The following DPF3 variants were observed in gnomAD, a reference collection of about 807,000 sequenced individuals.
DPF3 encodes double PHD fingers 3, also known as zinc finger protein DPF3.
A neutral mutation model predicts 56.8 loss-of-function variants in DPF3; 18 were observed. That is an observed-to-expected ratio of 0.32 (90% CI 0.22 to 0.47). The LOEUF (loss-of-function observed/expected upper bound fraction) is 0.47. Among genes scored for constraint, DPF3 ranks in the 20% least tolerant of loss-of-function variants. The pLI is 1.00. For missense variants in DPF3, 403 were observed against 488.8 expected (o/e 0.82, Z 1.65); for synonymous variants, 188 against 180.2 (o/e 1.04, Z -0.35).
At chr14:72,722,603 G>A (rs919801911) in intron 5 of DPF3, among the ~76,000 whole-genome samples, 2 of 152,150 alleles carry the variant, frequency 1.3e-5, no homozygotes, top group African/African-American at 2.4e-5. Flanking sequence ...AGAATGCCTG[G>A]GACTAAGTGC....
rs530471251 is a variant in DPF3, at chr14:72,869,996, A to G, written c.32+24061T>C. Reference sequence around the variant, plus strand: ...GACCCATGCCCATTCAAGGGATGCAAAATAGGCTGAAGTTTAGATTCTCTG... The same window carrying G: ...GACCCATGCCCATTCAAGGGATGCAGAATAGGCTGAAGTTTAGATTCTCTG... On this transcript the variant is annotated intron_variant, in intron 1 of 10. Coordinates refer to ENST00000556509, the MANE Select transcript of DPF3 (RefSeq NM_001280542.3). Among the ~76,000 whole-genome samples the G allele has an allele frequency of 6.6e-5, 10 of 152,186 alleles. No homozygotes were observed. The East Asian group carries it at 1.9e-3, about 29-fold the overall frequency.
Position 72,614,736 on chromosome 14 carries a change from T to TAAC in DPF3, c.*4560_*4561insGTT, listed in dbSNP as rs1293436583. Among the ~76,000 whole-genome samples, 1 of 117,492 alleles carries TAAC rather than the reference T, an allele frequency of 8.5e-6. No homozygotes were observed. Among genetic ancestry groups the TAAC allele is most frequent in the Non-Finnish European group, 1.7e-5 (1 of 60,164 alleles). 77.1% of individuals were successfully genotyped at this position (117,492 alleles called of 152,430 possible). ...GCAGAGGTTTGGCCTTTTTACAAAA[T>TAAC]AATAATAATAATAATCTGTTGCCCA... On this transcript the variant is annotated 3_prime_UTR_variant, in exon 11 of 11. Transcript: ENST00000556509.
At chr14:72,784,044 A>G (rs1892106142) in intron 1 of DPF3, among the ~76,000 whole-genome samples, 1 of 152,138 alleles carries the variant, frequency 6.6e-6, no homozygotes, top group Non-Finnish European at 1.5e-5. Context: ...AGTTGGTTAA[A>G]ATCAGCCTGC....
chr14:72,777,732 C>A (rs1891802093), intron 1 of DPF3, among the ~76,000 whole-genome samples: 1 of 152,102 alleles, frequency 6.6e-6, no homozygotes, highest in Non-Finnish European at 1.5e-5. Context: ...TGCCTCCCTG[C>A]TGACTCTCTC....
Position 72,683,528 on chromosome 14 carries a change from T to C in DPF3, c.743-9160A>G, listed in dbSNP as rs569578842. Among the ~76,000 whole-genome samples the C allele has an allele frequency of 2.6e-5, 4 of 152,066 alleles. No individual in the cohort carries two copies. The East Asian group carries it at 5.8e-4, about 22-fold the overall frequency. Reference sequence around the variant, plus strand: ...TTCACTTAATCTTCATCATAGCCTATGAGATAGATGCCATTAATGATCTGA... The same window carrying C: ...TTCACTTAATCTTCATCATAGCCTACGAGATAGATGCCATTAATGATCTGA... On this transcript the variant is annotated intron_variant, in intron 7 of 10. Transcript: ENST00000556509.
intron 8 of DPF3, among the ~76,000 whole-genome samples, chr14:72,663,799 C>T (rs1886329497): frequency 6.6e-6 from 1 of 152,092 alleles, no homozygotes; most frequent in African/African-American, 2.4e-5. Context: ...AGGAAAAAAG[C>T]TCAAAAGCAA....
intron 7 of DPF3, among the ~76,000 whole-genome samples, chr14:72,676,545 G>T (rs541571183): frequency 1.6e-4 from 24 of 152,294 alleles, no homozygotes; most frequent in African/African-American, 5.3e-4. Flanking sequence ...ATCTTGAATT[G>T]CAGCTCCCAT....
chr14:72,782,430 G>T (rs1243468734), intron 1 of DPF3, among the ~76,000 whole-genome samples: 1 of 152,032 alleles, frequency 6.6e-6, no homozygotes, highest in East Asian at 1.9e-4. Context: ...TTGCCATGTT[G>T]CCCAGCCTGG....
chr14:72,759,881 A>G (rs1014252096), intron 2 of DPF3, among the ~76,000 whole-genome samples: 3 of 151,736 alleles, frequency 2.0e-5, no homozygotes, highest in Middle Eastern at 3.4e-3. Context: ...ACTGAAAGGG[A>G]AAAAAAAACT....
At chr14:72,740,942 C>T (rs1890099865) in intron 3 of DPF3, among the ~76,000 whole-genome samples, 1 of 152,132 alleles carries the variant, frequency 6.6e-6, no homozygotes, top group Admixed American at 6.5e-5. Flanking sequence ...TGGCGCATGC[C>T]TGAATTCCCA....
At chr14:72,721,061 T>C (rs1238533818) in intron 5 of DPF3, among the ~76,000 whole-genome samples, 1 of 152,162 alleles carries the variant, frequency 6.6e-6, no homozygotes, top group African/African-American at 2.4e-5. Flanking sequence ...ACATTTCCAT[T>C]AGGACTAGAC....
At chr14:72,702,668 TTCCCC>T (rs1181503746) in intron 6 of DPF3, among the ~76,000 whole-genome samples, 1 of 152,004 alleles carries the variant, frequency 6.6e-6, no homozygotes, top group Non-Finnish European at 1.5e-5. Context: ...CTACAACCAA[TTCCCC>T]CGAGCAGGGA....
rs184892125 is a variant in DPF3, at chr14:72,783,044, A to G, written c.33-11151T>C. On this transcript the variant is annotated intron_variant, in intron 1 of 10. Transcript: ENST00000556509. ...CTGCACTCCTTTCTGTTCCTCTTCT[A>G]TACTAAGGGTATCTCACCTCAGGAC... is the stretch of plus-strand genomic sequence containing the variant. Among the ~76,000 whole-genome samples, 7 of 151,934 alleles carry G rather than the reference A, an allele frequency of 4.6e-5. No individual in the cohort carries two copies. The East Asian group carries it at 1.2e-3, about 25-fold the overall frequency.
chr14:72,868,138 T>A (rs1193629624), intron 1 of DPF3, among the ~76,000 whole-genome samples: 6 of 152,208 alleles, frequency 3.9e-5, no homozygotes, highest in Non-Finnish European at 7.3e-5. Context: ...GATCTTTTTT[T>A]AAAGGAACTA....
At chr14:72,768,349 A>AG (rs1891375647) in intron 2 of DPF3, among the ~76,000 whole-genome samples, 1 of 152,230 alleles carries the variant, frequency 6.6e-6, no homozygotes, top group African/African-American at 2.4e-5. Context: ...GCTTAAGACA[A>AG]CTATATTATA....
At chr14:72,744,524 C>T (rs567137409) in intron 3 of DPF3, among the ~76,000 whole-genome samples, 1 of 152,290 alleles carries the variant, frequency 6.6e-6, no homozygotes, top group East Asian at 1.9e-4. Context: ...GTCCACTCAT[C>T]CCACATGAGC....
intron 4 of DPF3, among the ~76,000 whole-genome samples, chr14:72,726,995 C>A (rs776972462): frequency 6.6e-6 from 1 of 152,208 alleles, no homozygotes; most frequent in South Asian, 2.1e-4. Flanking sequence ...TACAAATTCA[C>A]GGCCCTGATC....
chr14:72,784,115 C>T (rs1892109135), intron 1 of DPF3, among the ~76,000 whole-genome samples: 1 of 152,092 alleles, frequency 6.6e-6, no homozygotes, highest in African/African-American at 2.4e-5. Flanking sequence ...GACATCCAGC[C>T]AAACAAAGAA....
intron 1 of DPF3, chr14:72,892,310 C>A: frequency 1.3e-6 from 2 of 1,535,432 alleles, no homozygotes; most frequent in East Asian, 4.9e-5. Context: ...GAGGATGCGG[C>A]GAAGTTACGC....
Sources: allele counts gnomAD v4.1 joint callset (sites outside exome capture counted in the v4.1 genomes callset), GRCh38; gene constraint gnomAD v4.1.1; transcripts MANE v1.5; gene names NCBI Gene and HGNC (gene_info 2026-07-23, HGNC 2026-07-21).